Variants in MTA3 observed in about 807,000 individuals in gnomAD.
The protein encoded by MTA3 is metastasis-associated protein MTA3.
Under a neutral mutation model 83.5 loss-of-function variants are expected in MTA3, and 34 were observed. The ratio of observed to expected loss-of-function variants is 0.41; its 90% CI spans 0.31 to 0.54. The LOEUF is 0.54. Among genes scored for constraint, MTA3 ranks in the 20% least tolerant of loss-of-function variants. MTA3 has a pLI of 0.33. For missense variants in MTA3, 761 were observed against 726.4 expected (o/e 1.05, Z -0.55); for synonymous variants, 303 against 252.7 (o/e 1.20, Z -1.89).
At chr2:42,618,345 T>C (rs1424640969) in intron 4 of MTA3, among the ~76,000 whole-genome samples, 1 of 152,216 alleles carries the variant, frequency 6.6e-6, no homozygotes, top group African/African-American at 2.4e-5. Flanking sequence ...ATATTTCAAA[T>C]ATTTTTGTTA....
At chr2:42,495,443 C>T (rs1389295619) in intron 2 of MTA3, among the ~76,000 whole-genome samples, 1 of 151,928 alleles carries the variant, frequency 6.6e-6, no homozygotes, top group East Asian at 1.9e-4. Flanking sequence ...ATCTATTTTG[C>T]TATTTAGTGT....
At chr2:42,695,935 GT>G in intron 10 of MTA3, 96 bp downstream of exon 10, 2 of 733,798 alleles carry the variant, frequency 2.7e-6, no homozygotes, top group Non-Finnish European at 4.4e-6. Flanking sequence ...TTTTAAATTT[GT>G]TTACCTTACT....
intron 9 of MTA3, among the ~76,000 whole-genome samples, chr2:42,684,453 T>A (rs533243062): frequency 6.6e-6 from 1 of 152,332 alleles, no homozygotes; most frequent in Admixed American, 6.5e-5. Flanking sequence ...CACTCATACT[T>A]AAATTGTTAC....
At chr2:42,664,114 A>G (rs1046051395) in intron 8 of MTA3, among the ~76,000 whole-genome samples, 1 of 152,078 alleles carries the variant, frequency 6.6e-6, no homozygotes, top group Non-Finnish European at 1.5e-5. Flanking sequence ...TGTTAGAATG[A>G]CTTGGATTTA....
At chr2:42,636,500 C>G (rs1349597759) in intron 4 of MTA3, among the ~76,000 whole-genome samples, 2 of 152,032 alleles carry the variant, frequency 1.3e-5, no homozygotes, top group African/African-American at 2.4e-5. Context: ...TGTGATTATG[C>G]CGCTGCACTC....
At chr2:42,577,878 A>G (rs1489932250) in intron 2 of MTA3, among the ~76,000 whole-genome samples, 2 of 152,236 alleles carry the variant, frequency 1.3e-5, no homozygotes, top group African/African-American at 4.8e-5. Context: ...CTAAGAGCTT[A>G]TATTTGAAGT....
At chr2:42,499,954 C>A (rs35311006) in intron 2 of MTA3, among the ~76,000 whole-genome samples, 31,594 of 147,802 alleles carry the variant, frequency 0.21, 3,351 homozygotes, top group East Asian at 0.3. Context: ...AAAGTGTTTT[C>A]TTTTTTGAAA....
At chr2:42,540,978 C>T (rs758307932) in intron 2 of MTA3, among the ~76,000 whole-genome samples, 2 of 151,904 alleles carry the variant, frequency 1.3e-5, no homozygotes, top group African/African-American at 2.4e-5. Flanking sequence ...TAAGATTTTT[C>T]GACTTCATGA....
chr2:42,668,385 C>A (rs1047639895), intron 8 of MTA3, among the ~76,000 whole-genome samples: 1 of 152,210 alleles, frequency 6.6e-6, no homozygotes, highest in Non-Finnish European at 1.5e-5. Flanking sequence ...CCTGTCCTTA[C>A]TGGGAGAGAG....
chr2:42,529,022 C>A (rs780571052), intron 2 of MTA3, among the ~76,000 whole-genome samples: 2 of 152,142 alleles, frequency 1.3e-5, no homozygotes, highest in Non-Finnish European at 2.9e-5. Context: ...TTACACATCC[C>A]GTTAAGTTAC....
chr2:42,586,630 AC>A (rs1325316107), intron 3 of MTA3, among the ~76,000 whole-genome samples: 39 of 149,260 alleles, frequency 2.6e-4, no homozygotes, highest in African/African-American at 9.6e-4. Flanking sequence ...TTGGCTGGGC[AC>A]TGTGGCTCCC....
rs2104616388 is a variant in MTA3, at chr2:42,755,815, C to T, written c.*2416C>T. The T allele has an allele frequency of 1.0e-6, 1 of 985,520 alleles. No individual in the cohort carries two copies. The highest frequency in any genetic ancestry group is 1.2e-6 in the Non-Finnish European group (1 of 829,988). The allele number at this position is 985,520 out of a possible 1,614,324, so 61.0% of individuals were successfully genotyped here. On this transcript the variant is annotated 3_prime_UTR_variant, in exon 17 of 17. Coordinates refer to ENST00000405094, the MANE Select transcript of MTA3 (RefSeq NM_001330442.2). ...GGTGGACGTGCAGAGACTGTCTGCG[C>T]AGCCCCCAGCAGACATGCCCCTGGG...
Position 42,661,003 on chromosome 2 carries a change from G to T in MTA3, c.702+1141G>T, listed in dbSNP as rs1269668260. Among the ~76,000 whole-genome samples the T allele has an allele frequency of 2.0e-5, 3 of 152,164 alleles. No individual in the cohort carries two copies. In the South Asian group the frequency reaches 6.2e-4, roughly 31 times the overall value. Reference sequence around the variant, plus strand: ...CCCAGCCTTGTTTCTTATGCATTTTGTGTACTTCTGTACAATTATAGATTG... The same window carrying T: ...CCCAGCCTTGTTTCTTATGCATTTTTTGTACTTCTGTACAATTATAGATTG... On this transcript the variant is annotated intron_variant, in intron 8 of 16. Coordinates refer to ENST00000405094, the MANE Select transcript of MTA3 (RefSeq NM_001330442.2).
At chr2:42,572,478 C>G (rs1678598498) in intron 2 of MTA3, among the ~76,000 whole-genome samples, 1 of 151,564 alleles carries the variant, frequency 6.6e-6, no homozygotes, top group African/African-American at 2.4e-5. Context: ...ACTTGGGAGG[C>G]TGAGGAAGAT....
At chr2:42,618,087 A>G (rs1021962201) in intron 4 of MTA3, among the ~76,000 whole-genome samples, 10 of 151,942 alleles carry the variant, frequency 6.6e-5, no homozygotes, top group Non-Finnish European at 1.3e-4. Flanking sequence ...TGGGACTGCA[A>G]GTGCACACTA....
At chr2:42,707,855 C>A (rs1340324123) in intron 12 of MTA3, 48 bp from the exon 13 acceptor site, 1 of 1,455,520 alleles carries the variant, frequency 6.9e-7, no homozygotes, top group Non-Finnish European at 9.1e-7. Flanking sequence ...GTTGATGTTA[C>A]AAATTAAATA....
intron 2 of MTA3, among the ~76,000 whole-genome samples, chr2:42,543,161 C>G (rs763732174): frequency 1.3e-5 from 2 of 152,002 alleles, no homozygotes; most frequent in Non-Finnish European, 2.9e-5. Flanking sequence ...AATTCAGGAT[C>G]TGAAAAACAT....
At chr2:42,585,367 C>CATGAGCCA (rs1193739201) in intron 3 of MTA3, among the ~76,000 whole-genome samples, 2 of 152,012 alleles carry the variant, frequency 1.3e-5, no homozygotes, top group East Asian at 3.9e-4. Context: ...GGATTACAGG[C>CATGAGCCA]ATGAGCCACC....
chr2:42,750,415 T>TC (rs397791286), intron 16 of MTA3, among the ~76,000 whole-genome samples: 19 of 151,848 alleles, frequency 1.3e-4, no homozygotes, highest in African/African-American at 3.1e-4. Context: ...GTTTTTTTTT[T>TC]CCCTGGTGAC....
Sources: gnomAD v4.1 joint callset for allele counts (sites outside exome capture counted in the v4.1 genomes callset) on GRCh38, gnomAD v4.1.1 for gene constraint, MANE v1.5 for transcripts, NCBI Gene and HGNC (gene_info 2026-07-23, HGNC 2026-07-21) for gene names.